Variants in CCDC12 observed in about 807,000 individuals in gnomAD.
CCDC12 encodes the protein coiled-coil domain-containing protein 12.
CCDC12 carries 28 observed loss-of-function variants against 25.7 expected under a neutral mutation model. The observed-to-expected ratio is 1.09, with a 90% confidence interval of 0.81 to 1.50. The LOEUF is 1.50. Ranked by LOEUF, CCDC12 falls within the 40% of genes most tolerant of loss-of-function variation. CCDC12 has a pLI of 0.00. For synonymous variants in CCDC12, 75 were observed against 87.7 expected (o/e 0.86, Z 0.81); for missense variants, 198 against 210.0 (o/e 0.94, Z 0.35).
At chr3:46,926,094 T>C (rs1328441294) in intron 2 of CCDC12, among the ~76,000 whole-genome samples, 1 of 152,162 alleles carries the variant, frequency 6.6e-6, no homozygotes, top group East Asian at 1.9e-4. Flanking sequence ...GAGAAAAGCA[T>C]CTGGGTGTGC....
chr3:46,963,974 C>G (rs978587867), intron 1 of CCDC12, among the ~76,000 whole-genome samples: 1 of 151,596 alleles, frequency 6.6e-6, no homozygotes, highest in Non-Finnish European at 1.5e-5. Context: ...AAGTGAGGAG[C>G]GCCTCTTCCC....
intron 1 of CCDC12, among the ~76,000 whole-genome samples, chr3:46,963,418 GTCTCCC>G (rs1559563642): frequency 4.9e-5 from 1 of 20,312 alleles, no homozygotes; most frequent in Admixed American, 9.1e-4. Flanking sequence ...TCTCCTCACG[GTCTCCC>G]TCTCCCTCTC....
chr3:46,966,289 GACGA>G (rs1217420846), intron 1 of CCDC12, among the ~76,000 whole-genome samples: 1 of 152,234 alleles, frequency 6.6e-6, no homozygotes, highest in Non-Finnish European at 1.5e-5. Context: ...AAAGCAGGGA[GACGA>G]CTTGAGACCA....
Position 46,922,024 on chromosome 3 carries a change from G to C in CCDC12, c.*33C>G, listed in dbSNP as rs1337484448. 1 of 1,609,268 alleles carries C rather than the reference G, an allele frequency of 6.2e-7. No individual in the cohort carries two copies. The highest frequency in any genetic ancestry group is 1.1e-5 in the South Asian group (1 of 90,932). ...CCCAAGACCATCCTCTGCAGGACAG[G>C]CCTGATGGGCGAGTGGTGGGGCAGG... is the stretch of plus-strand genomic sequence containing the variant. On this transcript the variant is annotated 3_prime_UTR_variant, in exon 7 of 7. Transcript: ENST00000683445.
chr3:46,944,484 T>A (rs1293441384), intron 1 of CCDC12, among the ~76,000 whole-genome samples: 9 of 151,998 alleles, frequency 5.9e-5, no homozygotes, highest in Admixed American at 3.3e-4. Context: ...GTGCACAGCC[T>A]CCCCAGGAAT....
At chr3:46,931,495 G>A (rs1397580942) in intron 2 of CCDC12, among the ~76,000 whole-genome samples, 1 of 152,156 alleles carries the variant, frequency 6.6e-6, no homozygotes, top group African/African-American at 2.4e-5. Context: ...GGGTTTCATG[G>A]CCCCTGGTCC....
At chr3:46,979,697 GCT>G, upstream of CCDC12, 1 of 310,908 alleles carries the variant, frequency 3.2e-6, no homozygotes, top group Middle Eastern at 9.0e-4. Flanking sequence ...GACTTGGGTG[GCT>G]CTGCGCCGCG....
intron 1 of CCDC12, among the ~76,000 whole-genome samples, chr3:46,965,002 GAACT>G (rs1396963598): frequency 1.3e-5 from 2 of 151,554 alleles, no homozygotes; most frequent in Admixed American, 6.6e-5. Flanking sequence ...AATCTAGAGA[GAACT>G]AACTCAGTCA....
At chr3:46,933,469 AGC>A (rs2033312707) in intron 2 of CCDC12, among the ~76,000 whole-genome samples, 1 of 152,202 alleles carries the variant, frequency 6.6e-6, no homozygotes, top group Admixed American at 6.5e-5. Flanking sequence ...GCTTATAAGC[AGC>A]CAACGGCTGT....
At chr3:46,963,089 T>C (rs2034510929) in intron 1 of CCDC12, among the ~76,000 whole-genome samples, 1 of 152,214 alleles carries the variant, frequency 6.6e-6, no homozygotes, top group African/African-American at 2.4e-5. Flanking sequence ...CTACATACTG[T>C]TTAATTCCAT....
chr3:46,969,872 T>C (rs1254513071), intron 1 of CCDC12, among the ~76,000 whole-genome samples: 1 of 150,630 alleles, frequency 6.6e-6, no homozygotes, highest in African/African-American at 2.4e-5. Context: ...GTAAACTAAC[T>C]AAAATTAAAT....
At chr3:46,934,141 G>A (rs1320366728) in intron 2 of CCDC12, among the ~76,000 whole-genome samples, 8 of 152,236 alleles carry the variant, frequency 5.3e-5, no homozygotes, top group Non-Finnish European at 7.3e-5. Context: ...TGGCAGATGA[G>A]CTAAGCCCCA....
At chr3:46,979,617 G>C, upstream of CCDC12, 2 of 296,220 alleles carry the variant, frequency 6.8e-6, no homozygotes, top group Non-Finnish European at 1.2e-5. Context: ...CAGGAGAGGC[G>C]GGGCGGCGGT....
At chr3:46,938,324 C>A (rs1307665124) in intron 2 of CCDC12, among the ~76,000 whole-genome samples, 1 of 152,110 alleles carries the variant, frequency 6.6e-6, no homozygotes, top group African/African-American at 2.4e-5. Context: ...CATGGCAGGG[C>A]CTCTTTTATC....
intron 1 of CCDC12, among the ~76,000 whole-genome samples, chr3:46,955,323 A>C (rs1305576077): frequency 6.6e-6 from 1 of 152,186 alleles, no homozygotes; most frequent in Non-Finnish European, 1.5e-5. Context: ...CATGGGGCAG[A>C]CAAAAAGGTG....
chr3:46,921,890 C>G lies in CCDC12; in HGVS notation c.*167G>C. 1.5e-6 allele frequency: 1 copy of G among 683,466 alleles called. No homozygotes were observed. The highest frequency in any genetic ancestry group is 4.1e-4 in the Middle Eastern group (1 of 2,422). 42.3% of individuals were successfully genotyped at this position (683,466 alleles called of 1,614,324 possible). A position where few individuals can be genotyped will look rare whatever the true frequency, so the allele number is the denominator to read the frequency against. Reference sequence around the variant, plus strand: ...TCCATTCAGAATGGCAGGGGCCACCCAGCAGACAAGGAGCTGACCTCATCC... The same window carrying G: ...TCCATTCAGAATGGCAGGGGCCACCGAGCAGACAAGGAGCTGACCTCATCC... On this transcript the variant is annotated 3_prime_UTR_variant, in exon 7 of 7. Transcript: ENST00000683445.
rs1437785719 is a variant in CCDC12 at position 46,925,496 on chromosome 3, G to C, written c.204C>G (p.Asp68Glu). The C allele has an allele frequency of 1.9e-6, 3 of 1,606,506 alleles. No individual in the cohort carries two copies. In the South Asian group the frequency reaches 3.3e-5, roughly 18 times the overall value. The part of the protein sequence containing the change: ...RLRNYVPEDE[D>E]LKKRRVPQAK... The stretch of plus-strand genomic sequence containing the variant: ...CCTGGGGCACCCTCCTCTTCTTCAG[G>C]TCCTCATCCTCCGGGACATAGTTCC... Residue 68 changes from aspartate (D) to glutamate (E), a missense_variant, in exon 3 of 7, where the codon GAC becomes GAG. Coordinates refer to ENST00000683445, the MANE Select transcript of CCDC12 (RefSeq NM_001277074.2).
At chr3:46,936,746 ATGAACTAGCTACATCAATAT>A (rs2033457719) in intron 2 of CCDC12, among the ~76,000 whole-genome samples, 1 of 152,216 alleles carries the variant, frequency 6.6e-6, no homozygotes, top group Non-Finnish European at 1.5e-5. Context: ...TTAAAGCATG[ATGAACTAGCTACATCAATAT>A]ATGGAACTGA....
At chr3:46,951,792 A>ATATATATATATATATATAT (rs1439046255) in intron 1 of CCDC12, among the ~76,000 whole-genome samples, 1 of 24,986 alleles carries the variant, frequency 4.0e-5, no homozygotes, top group Non-Finnish European at 8.1e-5. Context: ...AAAAAAAAAA[A>ATATATATATATATATATAT]AAAAAAATAT....
Sources: allele counts gnomAD v4.1 joint callset (sites outside exome capture counted in the v4.1 genomes callset), GRCh38; gene constraint gnomAD v4.1.1; transcripts MANE v1.5; gene names NCBI Gene and HGNC (gene_info 2026-07-23, HGNC 2026-07-21).